FBXO34: variants seen among roughly 807,000 people sequenced by gnomAD.
FBXO34 encodes F-box only protein 34.
In FBXO34, 12 loss-of-function variants were observed where a neutral mutation model predicts 24.5. That is an observed-to-expected ratio of 0.49 (90% CI 0.31 to 0.79). The LOEUF (loss-of-function observed/expected upper bound fraction) is 0.79, where lower values mean the gene tolerates loss of function less well. Ranked by LOEUF, FBXO34 falls within the 30% of genes least tolerant of loss-of-function variation. The pLI is 0.04. For missense variants in FBXO34, 823 were observed against 857.7 expected, an observed-to-expected ratio of 0.96 and a Z score of 0.51; for synonymous variants, 320 against 311.9, an observed-to-expected ratio of 1.03 and a Z score of -0.27.
chr14:55,367,422 T>TA (rs1018365393), exon 3 of FBXO34: 2 of 152,146 alleles, frequency 1.3e-5, no homozygotes, highest in Non-Finnish European at 2.9e-5. Flanking sequence ...GCTGAGCACT[T>TA]AAAACAGAGA....
downstream of FBXO34, among the ~76,000 whole-genome samples, chr14:55,364,850 G>A (rs1884645670): frequency 1.3e-5 from 2 of 150,288 alleles, no homozygotes; most frequent in Admixed American, 1.3e-4. Flanking sequence ...GATCCTCCCA[G>A]CTCAACCTCC....
chr14:55,367,718 T>G (rs1210817455), exon 3 of FBXO34: 4 of 150,842 alleles, frequency 2.7e-5, no homozygotes, highest in African/African-American at 9.8e-5. Flanking sequence ...CACTCCAGCC[T>G]GGGCAGCTGA....
At chr14:55,318,479 G>A (rs1594748550) in intron 1 of FBXO34, among the ~76,000 whole-genome samples, 2 of 124,238 alleles carry the variant, frequency 1.6e-5, no homozygotes, top group East Asian at 5.0e-4. Context: ...CCTTAAAGAA[G>A]TAACCATCTA....
the FBXO34 span, chr14:55,414,287 T>C: frequency 1.0e-6 from 1 of 968,894 alleles, no homozygotes; most frequent in Admixed American, 2.4e-5. Context: ...ACTTGTAACA[T>C]CTACAATTAA....
At chr14:55,409,045 G>A in the FBXO34 span, among the ~76,000 whole-genome samples, 1 of 152,224 alleles carries the variant, frequency 6.6e-6, no homozygotes, top group South Asian at 2.1e-4. Flanking sequence ...CAGAGGCAAG[G>A]TAAGGAAGAG....
chr14:55,388,829 C>A, the FBXO34 span, among the ~76,000 whole-genome samples: 1 of 152,154 alleles, frequency 6.6e-6, no homozygotes, highest in African/African-American at 2.4e-5. Flanking sequence ...CCTGGCAAGT[C>A]ATCAGAACCA....
At chr14:55,377,794 A>AGAAAAGC in the FBXO34 span, 1 of 1,515,658 alleles carries the variant, frequency 6.6e-7, no homozygotes, top group Non-Finnish European at 8.9e-7. Flanking sequence ...AAACACTTAG[A>AGAAAAGC]GAAAAGCAAC....
the FBXO34 span, among the ~76,000 whole-genome samples, chr14:55,383,087 C>T: frequency 3.9e-5 from 6 of 152,320 alleles, no homozygotes; most frequent in African/African-American, 1.4e-4. Context: ...GCGTGCAGCT[C>T]AGTCTCTCAA....
the FBXO34 span, among the ~76,000 whole-genome samples, chr14:55,380,064 T>G: frequency 6.6e-6 from 1 of 152,042 alleles, no homozygotes; most frequent in African/African-American, 2.4e-5. Flanking sequence ...CTGGCCAACA[T>G]GGCAAAACCC....
At chr14:55,370,736 G>A (rs143371948), downstream of FBXO34, among the ~76,000 whole-genome samples, 1 of 152,118 alleles carries the variant, frequency 6.6e-6, no homozygotes, top group African/African-American at 2.4e-5. Context: ...CACCGCCCAG[G>A]TGCAAGCGAT....
At chr14:55,391,815 C>G in the FBXO34 span, among the ~76,000 whole-genome samples, 1 of 152,126 alleles carries the variant, frequency 6.6e-6, no homozygotes, top group African/African-American at 2.4e-5. Context: ...AGACGGTTAA[C>G]ATAACCAAGT....
intron 1 of FBXO34, among the ~76,000 whole-genome samples, chr14:55,336,143 A>G (rs927465552): frequency 6.6e-6 from 1 of 152,214 alleles, no homozygotes; most frequent in Non-Finnish European, 1.5e-5. Flanking sequence ...TGAAAATTAT[A>G]TGTATTTAAT....
downstream of FBXO34, among the ~76,000 whole-genome samples, chr14:55,370,645 CT>C (rs1019390150): frequency 5.4e-4 from 79 of 146,448 alleles, no homozygotes; most frequent in East Asian, 2.8e-3. Context: ...TTCTGCATTT[CT>C]TTTTTTTTTT....
At chr14:55,384,283 G>T in the FBXO34 span, among the ~76,000 whole-genome samples, 1 of 152,168 alleles carries the variant, frequency 6.6e-6, no homozygotes, top group Non-Finnish European at 1.5e-5. Flanking sequence ...AAAAAAGTCA[G>T]CCTTACAGAA....
At chr14:55,326,423 G>A (rs1407813511) in intron 1 of FBXO34, among the ~76,000 whole-genome samples, 2 of 152,226 alleles carry the variant, frequency 1.3e-5, no homozygotes, top group Non-Finnish European at 2.9e-5. Context: ...GTTAGATTTT[G>A]AAGTGCCTTT....
chr14:55,384,778 CA>C, the FBXO34 span, among the ~76,000 whole-genome samples: 2 of 152,336 alleles, frequency 1.3e-5, no homozygotes, highest in South Asian at 4.1e-4. Flanking sequence ...CCAGAAGAGA[CA>C]GGAAAATCCT....
chr14:55,283,020 C>CT (rs907782899), intron 1 of FBXO34, among the ~76,000 whole-genome samples: 3 of 152,156 alleles, frequency 2.0e-5, no homozygotes, highest in African/African-American at 7.2e-5. Context: ...GTTGTCAGTA[C>CT]TTTTTTACAA....
At chr14:55,309,407 A>T (rs1161269427) in intron 1 of FBXO34, among the ~76,000 whole-genome samples, 1 of 152,222 alleles carries the variant, frequency 6.6e-6, no homozygotes, top group South Asian at 2.1e-4. Context: ...AGCAAGCTAG[A>T]TAGAGCAAAA....
rs192421538 is a variant in FBXO34 at position 55,295,378 on chromosome 14, T to G, written c.-11+23841T>G. ...ATATAATGGCTCTATGAGGTAAATA[T>G]TCTTTTCTATTTTTTTTTTTTTTTT... On this transcript the variant is annotated intron_variant, in intron 1 of 1. Transcript: ENST00000313833. Among the ~76,000 whole-genome samples, 625 of 148,782 alleles carry G rather than the reference T, an allele frequency of 4.2e-3. 6 individuals are homozygous for G. The highest frequency in any genetic ancestry group is 0.014 in the African/African-American group (569 of 40,086).
Sources: allele counts gnomAD v4.1 joint callset (sites outside exome capture counted in the v4.1 genomes callset), GRCh38; gene constraint gnomAD v4.1.1; transcripts MANE v1.5; gene names NCBI Gene and HGNC (gene_info 2026-07-23, HGNC 2026-07-21).